GRK3: variants seen among roughly 807,000 people sequenced by gnomAD.
GRK3 encodes the protein G protein-coupled receptor kinase 3.
Under a neutral mutation model 95.7 loss-of-function variants are expected in GRK3, and 54 were observed. The ratio of observed to expected loss-of-function variants is 0.56; its 90% confidence interval spans 0.45 to 0.71. The LOEUF is 0.71. Ranked by LOEUF, GRK3 falls within the 30% of genes least tolerant of loss-of-function variation. The pLI is 0.00. For missense variants in GRK3, 649 were observed against 851.2 expected (o/e 0.76, Z 2.96); for synonymous variants, 281 against 290.8 (o/e 0.97, Z 0.34).
intron 15 of GRK3, among the ~76,000 whole-genome samples, chr22:25,706,415 G>A (rs116586491): frequency 0.016 from 2,468 of 152,290 alleles, 65 homozygotes; most frequent in African/African-American, 0.057. Context: ...CCCCAGGGCA[G>A]TAGCTCTGCC....
intron 13 of GRK3, among the ~76,000 whole-genome samples, chr22:25,695,679 GTTCTCT>G (rs202130252): frequency 0.15 from 22,902 of 151,958 alleles, 2,274 homozygotes; most frequent in Non-Finnish European, 0.21. Context: ...TTTTAGACAA[GTTCTCT>G]CTCTGTTGCC....
chr22:25,721,225 ATTAC>A, intron 19 of GRK3, 55 bp from the exon 20 acceptor site: 1 of 911,478 alleles, frequency 1.1e-6, no homozygotes, highest in Non-Finnish European at 1.7e-6. Context: ...AGTTTTTGGT[ATTAC>A]TACTTAAGAA....
intron 1 of GRK3, among the ~76,000 whole-genome samples, chr22:25,579,330 A>G (rs1353485970): frequency 1.3e-5 from 2 of 148,630 alleles, no homozygotes; most frequent in Admixed American, 6.7e-5. Flanking sequence ...TTTTTTTGGT[A>G]GATATGGGGT....
At position 25,695,232 on chromosome 22, in the gene GRK3, C is replaced by A; in HGVS notation, c.1160+18C>A. 1 of 1,565,422 alleles carries A rather than the reference C, an allele frequency of 6.4e-7. No individual in the cohort carries two copies. The highest frequency in any genetic ancestry group is 8.8e-7 in the Non-Finnish European group (1 of 1,135,900). ...CTGAGAGGGTGAGTTGAAATGCATC[C>A]TTCTAGTGCTGTCCTCATGGCAGCA... On this transcript the variant is annotated intron_variant, in intron 13 of 20. Transcript: ENST00000324198.
chr22:25,668,580 A>G (rs1465041489), intron 6 of GRK3, among the ~76,000 whole-genome samples: 1 of 152,260 alleles, frequency 6.6e-6, no homozygotes, highest in Non-Finnish European at 1.5e-5. Context: ...AGGTAATTTT[A>G]TCCTGGAGCA....
chr22:25,686,513 A>G (rs530953383), intron 10 of GRK3, among the ~76,000 whole-genome samples: 9 of 152,262 alleles, frequency 5.9e-5, no homozygotes, highest in Admixed American at 5.9e-4. Context: ...TTACAGGAAT[A>G]TGTGTATGGA....
intron 2 of GRK3, among the ~76,000 whole-genome samples, chr22:25,620,282 A>G (rs753027903): frequency 7.2e-5 from 11 of 151,924 alleles, no homozygotes; most frequent in Non-Finnish European, 1.2e-4. Flanking sequence ...GCCCGCGAAA[A>G]AGCTGGCCCT....
chr22:25,623,789 C>A (rs1296213261), intron 2 of GRK3, among the ~76,000 whole-genome samples: 2 of 152,220 alleles, frequency 1.3e-5, no homozygotes, highest in African/African-American at 4.8e-5. Context: ...CCTGCCCCAT[C>A]ATCCTCCATT....
intron 10 of GRK3, among the ~76,000 whole-genome samples, chr22:25,686,842 G>C (rs2085118576): frequency 6.6e-6 from 1 of 152,140 alleles, no homozygotes; most frequent in South Asian, 2.1e-4. Context: ...GTTGTCTTTT[G>C]AGACGGAGTC....
At position 25,619,650 on chromosome 22, in the gene GRK3, G is replaced by GTTTTTT. The variant is rs536273282; in HGVS notation, c.190+15216_190+15221dup. On this transcript the variant is annotated intron_variant, in intron 2 of 20. Transcript: ENST00000324198. ...AGGTGCACACGATCATACCTGGCTA[G>GTTTTTT]TTTTTTTTTTTTTTTTTTTTTTTTG... Among the ~76,000 whole-genome samples the GTTTTTT allele has an allele frequency of 8.1e-4, 87 of 107,916 alleles. 1 individual carries two copies. Among genetic ancestry groups the GTTTTTT allele is most frequent in the African/African-American group, 1.7e-3 (45 of 26,532 alleles). The allele number at this position is 107,916 out of a possible 152,430, so 70.8% of individuals were successfully genotyped here.
At chr22:25,679,666 C>T (rs889800133) in intron 9 of GRK3, among the ~76,000 whole-genome samples, 2 of 152,192 alleles carry the variant, frequency 1.3e-5, no homozygotes, top group Non-Finnish European at 2.9e-5. Flanking sequence ...TCTCAGTACC[C>T]TGTTACAGCG....
chr22:25,695,248 C>A, intron 13 of GRK3, 34 bp downstream of exon 13: 1 of 1,446,874 alleles, frequency 6.9e-7, no homozygotes, highest in Non-Finnish European at 9.7e-7. Flanking sequence ...GTGCTGTCCT[C>A]ATGGCAGCAG....
intron 5 of GRK3, among the ~76,000 whole-genome samples, chr22:25,664,456 A>G (rs1231928254): frequency 6.6e-6 from 1 of 152,086 alleles, no homozygotes; most frequent in Admixed American, 6.5e-5. Context: ...AGTGAAAATA[A>G]TCAACTCATC....
chr22:25,649,036 A>G (rs2084808792), intron 3 of GRK3: 6 of 1,358,402 alleles, frequency 4.4e-6, no homozygotes, highest in Admixed American at 1.7e-5. Flanking sequence ...GGTATGGTGA[A>G]CCATGAAATA....
intron 2 of GRK3, among the ~76,000 whole-genome samples, chr22:25,609,608 G>A (rs1363019057): frequency 6.6e-6 from 1 of 152,054 alleles, no homozygotes; most frequent in Non-Finnish European, 1.5e-5. Context: ...GTGATTACAG[G>A]CTTGAGCCAA....
intron 1 of GRK3, among the ~76,000 whole-genome samples, chr22:25,587,794 G>A (rs1932365363): frequency 6.6e-6 from 1 of 152,156 alleles, no homozygotes; most frequent in African/African-American, 2.4e-5. Context: ...TTTGATAAGG[G>A]GAAACCCGTT....
intron 8 of GRK3, among the ~76,000 whole-genome samples, chr22:25,677,514 A>G (rs1010888823): frequency 6.6e-6 from 1 of 152,190 alleles, no homozygotes; most frequent in African/African-American, 2.4e-5. Context: ...TTTGAAGAAC[A>G]TATCACTTCA....
intron 2 of GRK3, among the ~76,000 whole-genome samples, chr22:25,635,634 A>T (rs976615782): frequency 6.6e-6 from 1 of 152,168 alleles, no homozygotes; most frequent in Non-Finnish European, 1.5e-5. Context: ...AGGAGACCAT[A>T]GGTCAGATGT....
intron 1 of GRK3, among the ~76,000 whole-genome samples, chr22:25,601,529 A>G (rs2084409530): frequency 6.6e-6 from 1 of 152,206 alleles, no homozygotes; most frequent in Non-Finnish European, 1.5e-5. Context: ...AGGGAATTTT[A>G]TAATTTTAAA....
Sources: allele counts gnomAD v4.1 joint callset (sites outside exome capture counted in the v4.1 genomes callset), GRCh38; gene constraint gnomAD v4.1.1; transcripts MANE v1.5; gene names NCBI Gene and HGNC (gene_info 2026-07-23, HGNC 2026-07-21).